Variants in TEK observed in about 807,000 individuals in gnomAD.
TEK encodes the protein TEK receptor tyrosine kinase, also known as angiopoietin-1 receptor.
TEK carries 43 observed loss-of-function variants against 131.8 expected under a neutral mutation model. That is an observed-to-expected ratio of 0.33 (90% CI 0.26 to 0.42). The LOEUF (loss-of-function observed/expected upper bound fraction) is 0.42, where lower values mean the gene tolerates loss of function less well. Ranked by LOEUF, TEK falls within the 10% of genes least tolerant of loss-of-function variation. The pLI is 1.00. For synonymous variants in TEK, 580 were observed against 491.6 expected, an observed-to-expected ratio of 1.18 and a Z score of -2.38; for missense variants, 1,162 against 1,384.4, an observed-to-expected ratio of 0.84 and a Z score of 2.55.
At chr9:27,154,158 T>TTTTA (rs879330078) in intron 1 of TEK, among the ~76,000 whole-genome samples, 7 of 152,282 alleles carry the variant, frequency 4.6e-5, no homozygotes, top group South Asian at 4.2e-4. Context: ...TCTGTCTCTC[T>TTTTA]TTTATTTATT....
intron 2 of TEK, among the ~76,000 whole-genome samples, chr9:27,163,399 C>G (rs1029295127): frequency 1.3e-5 from 2 of 152,106 alleles, no homozygotes; most frequent in Non-Finnish European, 2.9e-5. Context: ...ATGAGGGCAT[C>G]TAACCTGTGT....
At chr9:27,128,213 A>G (rs749485774) in intron 1 of TEK, among the ~76,000 whole-genome samples, 6 of 152,030 alleles carry the variant, frequency 3.9e-5, no homozygotes, top group Non-Finnish European at 5.9e-5. Flanking sequence ...AGTTTTCCCA[A>G]CACCATTTAT....
intron 16 of TEK, 141 bp downstream of exon 16, chr9:27,209,372 G>T: frequency 1.4e-6 from 1 of 720,822 alleles, no homozygotes; most frequent in South Asian, 1.5e-5. Context: ...TGTCTGTCTA[G>T]TCCCATTTAT....
chr9:27,128,783 G>A, intron 1 of TEK, among the ~76,000 whole-genome samples: 1 of 151,966 alleles, frequency 6.6e-6, no homozygotes, highest in East Asian at 1.9e-4. Flanking sequence ...CTGTTTGTCT[G>A]CTATTGGTGT....
Position 27,141,417 on chromosome 9 carries a change from C to G in TEK, c.53-16414C>G, listed in dbSNP as rs138017790. Among the ~76,000 whole-genome samples the G allele has an allele frequency of 2.4e-3, 362 of 152,240 alleles. 2 individuals carry two copies. Among genetic ancestry groups the G allele is most frequent in the African/African-American group, 8.1e-3 (337 of 41,554 alleles). ...AAGTATATTTTGAACACTCATGTGT[C>G]AATGAGGAACTCTGCATACTGTAAC... On this transcript the variant is annotated intron_variant, in intron 1 of 22. Coordinates refer to ENST00000380036, the MANE Select transcript of TEK (RefSeq NM_000459.5).
At chr9:27,228,059 G>A in intron 21 of TEK, 147 bp from the exon 22 acceptor site, 1 of 592,594 alleles carries the variant, frequency 1.7e-6, no homozygotes, top group Admixed American at 2.8e-5. Flanking sequence ...GGAGGTGGGA[G>A]TCCTCATAGA....
chr9:27,206,172 C>T (rs970467862), intron 14 of TEK, among the ~76,000 whole-genome samples: 11 of 151,742 alleles, frequency 7.2e-5, no homozygotes, highest in Admixed American at 5.2e-4. Context: ...GCTAAGAAAG[C>T]TCTCACTGAG....
At chr9:27,195,486 G>T (rs919774551) in intron 11 of TEK, among the ~76,000 whole-genome samples, 2 of 152,086 alleles carry the variant, frequency 1.3e-5, no homozygotes, top group African/African-American at 4.8e-5. Flanking sequence ...GTAAACAATT[G>T]TAGTAATCTG....
intron 2 of TEK, among the ~76,000 whole-genome samples, chr9:27,159,690 C>G (rs558201853): frequency 6.6e-6 from 1 of 152,290 alleles, no homozygotes; most frequent in South Asian, 2.1e-4. Context: ...GACCAGTCCA[C>G]CTGTGTGATG....
intron 6 of TEK, 59 bp from the exon 7 acceptor site, chr9:27,180,181 G>A: frequency 1.2e-6 from 2 of 1,609,466 alleles, no homozygotes; most frequent in Non-Finnish European, 1.7e-6. Flanking sequence ...AACACCTGCA[G>A]TCTTAGTTTC....
At chr9:27,120,458 G>T (rs1268159518) in intron 1 of TEK, among the ~76,000 whole-genome samples, 2 of 152,262 alleles carry the variant, frequency 1.3e-5, no homozygotes, top group Non-Finnish European at 2.9e-5. Context: ...TGGCCTGAAG[G>T]CCAAGGCATA....
chr9:27,222,245 C>G (rs1472949334), intron 21 of TEK, among the ~76,000 whole-genome samples: 1 of 151,920 alleles, frequency 6.6e-6, no homozygotes, highest in Non-Finnish European at 1.5e-5. Flanking sequence ...AAAGACCAAA[C>G]CTGAAAGTGA....
chr9:27,207,633 C>G (rs1825444648), intron 15 of TEK, among the ~76,000 whole-genome samples: 1 of 152,154 alleles, frequency 6.6e-6, no homozygotes, highest in African/African-American at 2.4e-5. Context: ...TGAGGCTGCA[C>G]TATTGATTTT....
At chr9:27,114,882 A>G (rs1291290648) in intron 1 of TEK, among the ~76,000 whole-genome samples, 2 of 152,192 alleles carry the variant, frequency 1.3e-5, no homozygotes, top group Non-Finnish European at 2.9e-5. Flanking sequence ...ATAGATATTT[A>G]TTGAGTTACT....
At chr9:27,195,559 A>G (rs1268704684) in intron 11 of TEK, 12 of 443,942 alleles carry the variant, frequency 2.7e-5, no homozygotes, top group African/African-American at 4.0e-5. Context: ...GTCCCTACTG[A>G]GAATGCATGA....
intron 1 of TEK, among the ~76,000 whole-genome samples, chr9:27,112,102 T>C (rs1228567410): frequency 1.3e-5 from 2 of 152,184 alleles, no homozygotes; most frequent in Admixed American, 1.3e-4. Context: ...TTTCACCATG[T>C]TGGCCAGGCT....
At chr9:27,147,018 T>C (rs1003541286) in intron 1 of TEK, among the ~76,000 whole-genome samples, 27 of 152,290 alleles carry the variant, frequency 1.8e-4, no homozygotes, top group Admixed American at 2.6e-4. Context: ...CGTGAGACAC[T>C]GCGCCCGGCC....
chr9:27,220,019 G>C (rs545245732), intron 20 of TEK, 30 bp from the exon 21 acceptor site: 1 of 1,607,280 alleles, frequency 6.2e-7, no homozygotes, highest in African/African-American at 1.3e-5. Flanking sequence ...ATGCCAGAGA[G>C]GACTTAGAGT....
chr9:27,170,451 C>A (rs1260084510), intron 4 of TEK, among the ~76,000 whole-genome samples: 1 of 152,024 alleles, frequency 6.6e-6, no homozygotes, highest in African/African-American at 2.4e-5. Context: ...ATGGCAAAAC[C>A]CCGTCTCTAC....
Sources: gnomAD v4.1 joint callset for allele counts (sites outside exome capture counted in the v4.1 genomes callset) on GRCh38, gnomAD v4.1.1 for gene constraint, MANE v1.5 for transcripts, NCBI Gene and HGNC (gene_info 2026-07-23, HGNC 2026-07-21) for gene names.